The following SEC24D variants were observed in gnomAD, a reference collection of about 807,000 sequenced individuals.
SEC24D encodes protein transport protein Sec24D.
Under a neutral mutation model 116.9 loss-of-function variants are expected in SEC24D, and 69 were observed. The observed-to-expected ratio is 0.59, with a 90% CI of 0.49 to 0.72. The LOEUF is 0.72. Among genes scored for constraint, SEC24D ranks in the 30% least tolerant of loss-of-function variants. SEC24D has a pLI of 0.00. For missense variants in SEC24D, 1,131 were observed against 1,264.1 expected (o/e 0.89, Z 1.60); for synonymous variants, 405 against 442.8 (o/e 0.91, Z 1.07).
At chr4:118,770,465 T>TA (rs1727848491) in intron 8 of SEC24D, among the ~76,000 whole-genome samples, 2 of 152,212 alleles carry the variant, frequency 1.3e-5, no homozygotes, top group African/African-American at 4.8e-5. Context: ...TGACTCCAGT[T>TA]ACTGCTCTGT....
chr4:118,731,691 A>C (rs185430359), intron 20 of SEC24D, among the ~76,000 whole-genome samples, 184 bp from the exon 21 acceptor site: 21 of 152,298 alleles, frequency 1.4e-4, no homozygotes, highest in African/African-American at 4.1e-4. Context: ...GGTTTTGTGC[A>C]GGGAGGAAGA....
chr4:118,789,367 C>A (rs1337585996), intron 8 of SEC24D, among the ~76,000 whole-genome samples: 3 of 152,178 alleles, frequency 2.0e-5, no homozygotes, highest in Non-Finnish European at 4.4e-5. Flanking sequence ...ACCAGCAATT[C>A]CTTTTGCAGG....
At chr4:118,807,213 C>A (rs756579545) in intron 6 of SEC24D, among the ~76,000 whole-genome samples, 3 of 152,100 alleles carry the variant, frequency 2.0e-5, no homozygotes, top group Non-Finnish European at 4.4e-5. Flanking sequence ...GGTTTTTGCC[C>A]GCTGCAGAGA....
At chr4:118,814,663 T>C (rs1297645803) in intron 6 of SEC24D, among the ~76,000 whole-genome samples, 1 of 152,164 alleles carries the variant, frequency 6.6e-6, no homozygotes, top group East Asian at 1.9e-4. Flanking sequence ...TTGAAAAGGA[T>C]CCTTTAGTTA....
intron 7 of SEC24D, among the ~76,000 whole-genome samples, chr4:118,801,429 AG>A: frequency 6.6e-6 from 1 of 152,274 alleles, no homozygotes; most frequent in African/African-American, 2.4e-5. Flanking sequence ...GTAACAGAGG[AG>A]GAAACCAGAC....
chr4:118,728,642 C>A lies in SEC24D; in HGVS notation c.2877G>T (p.Leu959=). 6.2e-7 allele frequency: 1 copy of A among 1,601,022 alleles called. No homozygotes were observed. Among genetic ancestry groups the A allele is most frequent in the South Asian group, 1.1e-5 (1 of 90,262 alleles). The change falls in exon 22 of 23, where the codon CTG becomes CTT. Residue 959 remains leucine (L), a synonymous_variant. Transcript: ENST00000280551. The stretch of plus-strand genomic sequence containing the variant: ...GAGAGTATGGGTTTCCCACTTCAGG[C>A]AGCAATGTCTTAGATTTAAGAAAAT... The part of the protein sequence containing the change: ...FAHINTDMTL[L]PEVGNPYSQQ...
chr4:118,824,842 A>T, intron 2 of SEC24D, 93 bp from the exon 3 acceptor site: 1 of 1,189,572 alleles, frequency 8.4e-7, no homozygotes, highest in Non-Finnish European at 1.2e-6. Context: ...TAGGTGGAGG[A>T]GGAGGGAAAC....
intron 7 of SEC24D, among the ~76,000 whole-genome samples, chr4:118,804,124 T>C (rs1729566603): frequency 6.6e-6 from 1 of 152,144 alleles, no homozygotes; most frequent in South Asian, 2.1e-4. Flanking sequence ...GGGTGAAATA[T>C]ATATGAAGCA....
chr4:118,809,994 C>T (rs1578461539), intron 6 of SEC24D, among the ~76,000 whole-genome samples: 1 of 151,662 alleles, frequency 6.6e-6, no homozygotes, highest in East Asian at 1.9e-4. Context: ...CATGCTTGGC[C>T]TGCCAAGGAA....
At chr4:118,734,804 T>G (rs35392662) in intron 19 of SEC24D, among the ~76,000 whole-genome samples, 1 of 151,966 alleles carries the variant, frequency 6.6e-6, no homozygotes, top group Non-Finnish European at 1.5e-5. Context: ...AGTAGAACAC[T>G]CTCTTCTAAT....
At chr4:118,803,523 C>T (rs1729542370) in intron 7 of SEC24D, among the ~76,000 whole-genome samples, 1 of 152,168 alleles carries the variant, frequency 6.6e-6, no homozygotes, top group Non-Finnish European at 1.5e-5. Context: ...GGTGACCTCA[C>T]ATTTAAGTTC....
At position 118,740,761 on chromosome 4, in the gene SEC24D, T is replaced by A. The variant is rs754286687; in HGVS notation, c.2140A>T (p.Thr714Ser). Residue 714 changes from threonine to serine, a missense_variant, in exon 17 of 23, where the codon ACC (threonine) becomes TCC (serine). Coordinates refer to ENST00000280551, the MANE Select transcript of SEC24D (RefSeq NM_014822.4). ...FFGGILMNNT[T>S]DVEMAAIDCD... ...TCGATGGCAGCCATTTCTACATCGG[T>A]GGTGTTGTTCATCAAGATTCCACCA... The A allele has an allele frequency of 6.2e-7, 1 of 1,613,940 alleles. No homozygotes were observed. The highest frequency in any genetic ancestry group is 8.5e-7 in the Non-Finnish European group (1 of 1,179,886).
At chr4:118,782,029 C>T (rs1177505663) in intron 8 of SEC24D, among the ~76,000 whole-genome samples, 2 of 152,148 alleles carry the variant, frequency 1.3e-5, no homozygotes, top group Non-Finnish European at 2.9e-5. Context: ...TGGGTTTGAT[C>T]GTCTTCCTTT....
intron 13 of SEC24D, 63 bp downstream of exon 13, chr4:118,751,933 T>C: frequency 1.7e-6 from 2 of 1,146,454 alleles, no homozygotes; most frequent in South Asian, 1.3e-5. Flanking sequence ...TGAAACTTTC[T>C]TATTTTTTGT....
chr4:118,747,328 G>A (rs1191842247), intron 13 of SEC24D, among the ~76,000 whole-genome samples: 4 of 144,164 alleles, frequency 2.8e-5, no homozygotes, highest in South Asian at 2.2e-4. Context: ...GTGCAATGGT[G>A]TGATCTCGGT....
At chr4:118,820,301 C>G (rs1427291534) in intron 3 of SEC24D, among the ~76,000 whole-genome samples, 1 of 151,768 alleles carries the variant, frequency 6.6e-6, no homozygotes, top group African/African-American at 2.4e-5. Context: ...CTACCTCAGC[C>G]TTCCGAGTAG....
chr4:118,785,383 T>C (rs1018073805), intron 8 of SEC24D, among the ~76,000 whole-genome samples: 1 of 152,234 alleles, frequency 6.6e-6, no homozygotes, highest in Admixed American at 6.5e-5. Context: ...AAATCAGATG[T>C]GGTCCCTACC....
intron 8 of SEC24D, among the ~76,000 whole-genome samples, chr4:118,793,633 T>A (rs1459336147): frequency 6.6e-6 from 1 of 152,216 alleles, no homozygotes; most frequent in Non-Finnish European, 1.5e-5. Flanking sequence ...TTTGGGCACA[T>A]GCCCCTGAGG....
At chr4:118,730,077 C>G (rs887277504) in intron 21 of SEC24D, 1 of 152,190 alleles carries the variant, frequency 6.6e-6, no homozygotes, top group Non-Finnish European at 1.5e-5. Flanking sequence ...ACAGACCTAC[C>G]AATCTGCTGC....
Sources: allele counts gnomAD v4.1 joint callset (sites outside exome capture counted in the v4.1 genomes callset), GRCh38; gene constraint gnomAD v4.1.1; transcripts MANE v1.5; gene names NCBI Gene and HGNC (gene_info 2026-07-23, HGNC 2026-07-21).